The following NIPAL2 variants were observed in gnomAD, a reference collection of about 807,000 sequenced individuals.
The protein encoded by NIPAL2 is NIPA like domain containing 2.
Under a neutral mutation model 48.9 loss-of-function variants are expected in NIPAL2, and 43 were observed. The observed-to-expected ratio is 0.88, with a 90% CI of 0.69 to 1.13. The LOEUF (loss-of-function observed/expected upper bound fraction) is 1.13, where lower values mean the gene tolerates loss of function less well. NIPAL2 is among the 50% of genes most tolerant of loss of function. The pLI, the probability that NIPAL2 is intolerant of heterozygous loss-of-function variation, is 0.00. For missense variants in NIPAL2, 446 were observed against 461.4 expected, an observed-to-expected ratio of 0.97 and a Z score of 0.31; for synonymous variants, 167 against 174.6, an observed-to-expected ratio of 0.96 and a Z score of 0.34.
Position 98,229,776 on chromosome 8 carries a change from TATG to T in NIPAL2, c.436+6376_436+6378del, listed in dbSNP as rs567704225. Among the ~76,000 whole-genome samples the T allele has an allele frequency of 2.9e-3, 445 of 152,302 alleles. 2 individuals are homozygous for T. The highest frequency in any genetic ancestry group is 6.8e-3 in the Middle Eastern group (2 of 294). ...TGGTATAATCAGCATCATGCTAAAA[TATG>T]ATGATGATGATAACTATAATAGTAA... On this transcript the variant is annotated intron_variant, in intron 4 of 10. Transcript: ENST00000430223.
intron 1 of NIPAL2, among the ~76,000 whole-genome samples, chr8:98,286,812 C>G (rs1027727587): frequency 2.1e-4 from 12 of 57,896 alleles, no homozygotes; most frequent in African/African-American, 7.2e-4. Context: ...GAGACTCTGT[C>G]AAAAAAAAAA....
chr8:98,203,098 C>G lies in NIPAL2; in HGVS notation c.880+10G>C. 1 of 1,607,256 alleles carries G rather than the reference C, an allele frequency of 6.2e-7. No individual in the cohort carries two copies. The highest frequency in any genetic ancestry group is 8.5e-7 in the Non-Finnish European group (1 of 1,173,836). On this transcript the variant is annotated intron_variant, in intron 8 of 10. Transcript: ENST00000430223. ...TTGGAATCACCAATGTATAGAAAAC[C>G]AAAACTCACCTGCAATGATGGCACT...
At chr8:98,225,418 C>A (rs1159751436) in intron 4 of NIPAL2, among the ~76,000 whole-genome samples, 2 of 152,172 alleles carry the variant, frequency 1.3e-5, no homozygotes, top group Non-Finnish European at 2.9e-5. Context: ...GTTCCTGCCC[C>A]CATTTTTATT....
At chr8:98,237,157 C>A (rs796958760) in intron 3 of NIPAL2, among the ~76,000 whole-genome samples, 6 of 152,018 alleles carry the variant, frequency 3.9e-5, no homozygotes, top group African/African-American at 1.4e-4. Flanking sequence ...GACTCCTAGG[C>A]TCAAGTGATC....
At chr8:98,289,733 A>C (rs1481308770) in intron 1 of NIPAL2, among the ~76,000 whole-genome samples, 1 of 152,186 alleles carries the variant, frequency 6.6e-6, no homozygotes, top group Non-Finnish European at 1.5e-5. Flanking sequence ...AGGGAACAAA[A>C]TCAAGTATAA....
chr8:98,253,212 G>C (rs971365608), intron 2 of NIPAL2, among the ~76,000 whole-genome samples: 1 of 152,076 alleles, frequency 6.6e-6, no homozygotes, highest in East Asian at 1.9e-4. Flanking sequence ...TCATAGGTAT[G>C]TATGTATAGG....
intron 1 of NIPAL2, among the ~76,000 whole-genome samples, chr8:98,273,042 G>A (rs1241381631): frequency 6.6e-6 from 1 of 152,150 alleles, no homozygotes; most frequent in African/African-American, 2.4e-5. Context: ...TAAAGCATAT[G>A]TTCACATAAA....
At chr8:98,218,796 G>C (rs1046891400) in intron 5 of NIPAL2, among the ~76,000 whole-genome samples, 2 of 152,152 alleles carry the variant, frequency 1.3e-5, no homozygotes, top group African/African-American at 4.8e-5. Flanking sequence ...GGGGTTGTGG[G>C]TCAAAGGAGG....
intron 1 of NIPAL2, among the ~76,000 whole-genome samples, chr8:98,270,932 T>A (rs868805935): frequency 2.6e-5 from 4 of 152,142 alleles, no homozygotes; most frequent in Admixed American, 6.5e-5. Flanking sequence ...AGCCAGTTTT[T>A]CCAGAACCAT....
chr8:98,212,561 C>T (rs1325946445), intron 5 of NIPAL2, 60 bp from the exon 6 acceptor site: 5 of 850,724 alleles, frequency 5.9e-6, no homozygotes, highest in Non-Finnish European at 9.6e-6. Context: ...CAAAATGTCA[C>T]ACTTCTCATT....
At chr8:98,203,055 G>A in intron 8 of NIPAL2, 53 bp downstream of exon 8, 1 of 1,359,824 alleles carries the variant, frequency 7.4e-7, no homozygotes, top group Non-Finnish European at 1.1e-6. Context: ...TTTACTCTGG[G>A]AGAAACTTCA....
intron 3 of NIPAL2, among the ~76,000 whole-genome samples, chr8:98,239,992 T>C (rs1008085812): frequency 3.9e-5 from 6 of 152,202 alleles, no homozygotes; most frequent in African/African-American, 1.4e-4. Context: ...CAATAACCAT[T>C]GCCTAATGAA....
rs1813037722 is a variant in NIPAL2 at position 98,242,481 on chromosome 8, C to A, written c.377-6267G>T. ...AGATTACAGGCAAAAGCCACTGCAC[C>A]TGACAGATTTTTTTTTTTTTTTTTT... is the stretch of plus-strand genomic sequence containing the variant. On this transcript the variant is annotated intron_variant, in intron 3 of 10. Transcript: ENST00000430223. Among the ~76,000 whole-genome samples the A allele has an allele frequency of 2.8e-5, 2 of 71,530 alleles. 1 individual carries two copies. The highest frequency in any genetic ancestry group is 1.1e-3 in the South Asian group (2 of 1,840). The allele number at this position is 71,530 out of a possible 152,430, so 46.9% of individuals were successfully genotyped here.
intron 1 of NIPAL2, among the ~76,000 whole-genome samples, chr8:98,255,003 T>C (rs191001329): frequency 6.6e-6 from 1 of 152,204 alleles, no homozygotes; most frequent in East Asian, 1.9e-4. Context: ...TTTTATATTA[T>C]CATGTTTGCT....
chr8:98,247,773 G>A (rs1463982364), intron 3 of NIPAL2, among the ~76,000 whole-genome samples: 4 of 152,198 alleles, frequency 2.6e-5, no homozygotes, highest in Non-Finnish European at 4.4e-5. Context: ...CTGAAAGCCA[G>A]GGAAGGCCTC....
At position 98,193,003 on chromosome 8, in the gene NIPAL2, T is replaced by C. The variant is rs1275313099; in HGVS notation, c.1127A>G (p.Gln376Arg). 4 of 1,613,210 alleles carry C rather than the reference T, an allele frequency of 2.5e-6. No homozygotes were observed. The highest frequency in any genetic ancestry group is 2.5e-6 in the Non-Finnish European group (3 of 1,179,172). ...TTAGACCTCTTTCTTCTCTCCACTTTGGCTCTTTGTTGAGTCACTTCCATC... is the reference window on the plus strand; with the variant it reads ...TTAGACCTCTTTCTTCTCTCCACTTCGGCTCTTTGTTGAGTCACTTCCATC... ...LPDGSDSTKS[Q>R]SGEKKEV Residue 376 changes from glutamine to arginine, a missense_variant, in exon 11 of 11, where the codon CAA becomes CGA. Physicochemically the swap from Gln to Arg is conservative, Grantham distance 43. Coordinates refer to ENST00000430223, the MANE Select transcript of NIPAL2 (RefSeq NM_001321635.2).
chr8:98,288,235 C>T (rs1816294318), intron 1 of NIPAL2, among the ~76,000 whole-genome samples: 1 of 145,452 alleles, frequency 6.9e-6, no homozygotes, highest in African/African-American at 2.6e-5. Context: ...ATTCCCTTTC[C>T]TGTGTCCATG....
intron 6 of NIPAL2, among the ~76,000 whole-genome samples, chr8:98,206,305 T>C (rs1811029498): frequency 7.0e-6 from 1 of 142,686 alleles, no homozygotes; most frequent in Admixed American, 6.8e-5. Context: ...ATTTTATGTA[T>C]GTGTGTGTGT....
intron 6 of NIPAL2, among the ~76,000 whole-genome samples, chr8:98,210,710 A>G (rs933905330): frequency 6.6e-6 from 1 of 152,060 alleles, no homozygotes; most frequent in Non-Finnish European, 1.5e-5. Context: ...TATTTCTGTT[A>G]GTGTAGTTTT....
Sources: allele counts gnomAD v4.1 joint callset (sites outside exome capture counted in the v4.1 genomes callset), GRCh38; gene constraint gnomAD v4.1.1; transcripts MANE v1.5; gene names NCBI Gene and HGNC (gene_info 2026-07-23, HGNC 2026-07-21).